Variants in SPATA17 observed in about 807,000 individuals in gnomAD.
SPATA17 encodes spermatogenesis-associated protein 17.
A neutral mutation model predicts 62.2 loss-of-function variants in SPATA17; 53 were observed. The ratio of observed to expected loss-of-function variants is 0.85; its 90% CI spans 0.68 to 1.07. The LOEUF (loss-of-function observed/expected upper bound fraction) is 1.07, where lower values mean the gene tolerates loss of function less well. Ranked by LOEUF, SPATA17 falls within the 50% of genes least tolerant of loss-of-function variation. SPATA17 has a pLI of 0.00. For missense variants in SPATA17, 466 were observed against 425.5 expected (o/e 1.10, Z -0.84); for synonymous variants, 146 against 146.8 (o/e 0.99, Z 0.04).
chr1:217,855,870 G>A (rs1323384575), intron 9 of SPATA17, among the ~76,000 whole-genome samples: 1 of 151,542 alleles, frequency 6.6e-6, no homozygotes, highest in Non-Finnish European at 1.5e-5. Context: ...GAGACTACAG[G>A]TGCGTGCCAC....
At chr1:217,662,578 G>T (rs929825370) in intron 3 of SPATA17, among the ~76,000 whole-genome samples, 1 of 152,042 alleles carries the variant, frequency 6.6e-6, no homozygotes. Context: ...TTTCATATAT[G>T]ATTATTTAAA....
intron 1 of SPATA17, among the ~76,000 whole-genome samples, chr1:217,634,243 C>A (rs1437452278): frequency 6.6e-6 from 1 of 152,188 alleles, no homozygotes; most frequent in African/African-American, 2.4e-5. Context: ...AAGAATAATT[C>A]ACACAGACCC....
chr1:217,678,152 G>A (rs1670995657), intron 4 of SPATA17, among the ~76,000 whole-genome samples: 1 of 150,324 alleles, frequency 6.7e-6, no homozygotes, highest in Admixed American at 6.6e-5. Context: ...TGAGTATTGG[G>A]TGAGCTATTA....
chr1:217,860,336 G>A (rs1187061541), intron 9 of SPATA17, among the ~76,000 whole-genome samples: 1 of 152,168 alleles, frequency 6.6e-6, no homozygotes, highest in Non-Finnish European at 1.5e-5. Flanking sequence ...CTATCTTGGT[G>A]AATGTTCAGT....
intron 5 of SPATA17, among the ~76,000 whole-genome samples, chr1:217,730,839 G>A (rs779954743): frequency 5.9e-5 from 9 of 151,968 alleles, no homozygotes; most frequent in African/African-American, 2.2e-4. Flanking sequence ...TCATATTGCC[G>A]ATTTTGAGTA....
In SPATA17 at chr1:217,741,994, G is replaced by T; in HGVS notation, c.415G>T (p.Ala139Ser). 6.2e-7 allele frequency: 1 copy of T among 1,613,976 alleles called. No homozygotes were observed. The highest frequency in any genetic ancestry group is 8.5e-7 in the Non-Finnish European group (1 of 1,179,906). Residue 139 changes from alanine (A) to serine (S), a missense_variant, in exon 6 of 11, where the codon GCA becomes TCA. By Grantham distance (99) the Ala-to-Ser change is moderately conservative. Transcript: ENST00000366933. ...ATGCAGGAAGGCACTGGAGGAGTTTGCAGAAATGAAAGAAAGAGAAGAGAA... is the reference window on the plus strand; with the variant it reads ...ATGCAGGAAGGCACTGGAGGAGTTTTCAGAAATGAAAGAAAGAGAAGAGAA... ...DAIRKALEEF[A>S]EMKEREEKKA...
intron 1 of SPATA17, among the ~76,000 whole-genome samples, chr1:217,647,913 G>T (rs1204247195): frequency 6.6e-6 from 1 of 151,980 alleles, no homozygotes; most frequent in Non-Finnish European, 1.5e-5. Flanking sequence ...AGTAGAAACG[G>T]AGTTTCACCA....
intron 7 of SPATA17, 66 bp downstream of exon 7, chr1:217,774,603 A>G: frequency 4.5e-6 from 6 of 1,320,982 alleles, no homozygotes; most frequent in Middle Eastern, 1.9e-4. Context: ...CACTTTTTAT[A>G]TAACACTATC....
intron 6 of SPATA17, among the ~76,000 whole-genome samples, chr1:217,755,306 C>T (rs903665661): frequency 6.6e-6 from 1 of 151,806 alleles, no homozygotes; most frequent in African/African-American, 2.4e-5. Context: ...ATATTTTACT[C>T]AGCAATGAAT....
At chr1:217,637,044 A>G (rs528073001) in intron 1 of SPATA17, among the ~76,000 whole-genome samples, 35 of 152,336 alleles carry the variant, frequency 2.3e-4, no homozygotes, top group African/African-American at 7.9e-4. Flanking sequence ...CTCTAGAGAC[A>G]TGCTATATAG....
chr1:217,855,729 A>ATTTTTT (rs3081687), intron 9 of SPATA17, among the ~76,000 whole-genome samples: 10,802 of 128,754 alleles, frequency 0.084, 937 homozygotes, highest in Non-Finnish European at 0.13. Flanking sequence ...AGAAGGAACT[A>ATTTTTT]TTTTTTTTTT....
In SPATA17 at chr1:217,732,084, T is replaced by TTCTCTCTCTCTC. The variant is rs60691625; in HGVS notation, c.396-9879_396-9868dup. ...AATGGAGAAAGAAAATTACTCCAGT[T>TTCTCTCTCTCTC]TCTCTCTCTCTCTCTCTCTCTCTGT... On this transcript the variant is annotated intron_variant, in intron 5 of 10. Transcript: ENST00000366933. Among the ~76,000 whole-genome samples the TTCTCTCTCTCTC allele has an allele frequency of 3.8e-3, 566 of 148,818 alleles. 6 individuals are homozygous for TTCTCTCTCTCTC. Among genetic ancestry groups the TTCTCTCTCTCTC allele is most frequent in the Middle Eastern group, 0.017 (5 of 286 alleles).
intron 9 of SPATA17, among the ~76,000 whole-genome samples, chr1:217,802,246 G>C (rs1167445883): frequency 1.3e-5 from 2 of 152,032 alleles, no homozygotes; most frequent in African/African-American, 4.8e-5. Context: ...GGAGGGGAGA[G>C]AAGACAAGCA....
At chr1:217,857,863 G>A (rs779774618) in intron 9 of SPATA17, among the ~76,000 whole-genome samples, 1 of 152,080 alleles carries the variant, frequency 6.6e-6, no homozygotes, top group East Asian at 1.9e-4. Context: ...TACTTGAAGC[G>A]GTCAGTCCTT....
At chr1:217,829,846 G>A (rs1049240918) in intron 9 of SPATA17, among the ~76,000 whole-genome samples, 29 of 151,740 alleles carry the variant, frequency 1.9e-4, no homozygotes, top group African/African-American at 6.3e-4. Flanking sequence ...AAAGTCCAGC[G>A]AGCCAATGTA....
intron 7 of SPATA17, among the ~76,000 whole-genome samples, chr1:217,776,108 G>C (rs1453385606): frequency 6.6e-6 from 1 of 152,118 alleles, no homozygotes; most frequent in Non-Finnish European, 1.5e-5. Flanking sequence ...ATTTGAGACA[G>C]CTCAAAACAA....
intron 7 of SPATA17, among the ~76,000 whole-genome samples, chr1:217,775,287 TG>T (rs1673558717): frequency 6.6e-6 from 1 of 152,216 alleles, no homozygotes; most frequent in Non-Finnish European, 1.5e-5. Flanking sequence ...GGCTGTTTTT[TG>T]ATGTTGAGTT....
chr1:217,804,315 T>A (rs1421032981), intron 9 of SPATA17, among the ~76,000 whole-genome samples: 1 of 152,196 alleles, frequency 6.6e-6, no homozygotes, highest in Non-Finnish European at 1.5e-5. Flanking sequence ...CAGGATGGTC[T>A]CTTCAACAAA....
chr1:217,802,299 C>T (rs1194793858), intron 9 of SPATA17, among the ~76,000 whole-genome samples: 1 of 152,000 alleles, frequency 6.6e-6, no homozygotes, highest in Non-Finnish European at 1.5e-5. Context: ...TACATTTAAC[C>T]TGCATATATG....
Sources: allele counts gnomAD v4.1 joint callset (sites outside exome capture counted in the v4.1 genomes callset), GRCh38; gene constraint gnomAD v4.1.1; transcripts MANE v1.5; gene names NCBI Gene and HGNC (gene_info 2026-07-23, HGNC 2026-07-21).